PRRX1: variants seen among roughly 807,000 people sequenced by gnomAD.
PRRX1 encodes the protein paired mesoderm homeobox protein 1.
Under a neutral mutation model 24.0 loss-of-function variants are expected in PRRX1, and 8 were observed. That is an observed-to-expected ratio of 0.33 (90% CI 0.20 to 0.60). The LOEUF (loss-of-function observed/expected upper bound fraction) is 0.60. PRRX1 is among the 20% of genes least tolerant of loss of function. PRRX1 has a pLI of 0.82. For missense variants in PRRX1, 281 were observed against 322.4 expected, an observed-to-expected ratio of 0.87 and a Z score of 0.98; for synonymous variants, 160 against 131.7, an observed-to-expected ratio of 1.22 and a Z score of -1.47.
At chr1:170,723,088 T>C (rs1289840656) in intron 2 of PRRX1, among the ~76,000 whole-genome samples, 2 of 152,178 alleles carry the variant, frequency 1.3e-5, no homozygotes, top group South Asian at 2.1e-4. Context: ...GGGGAGCCAG[T>C]AGATGATATA....
At chr1:170,716,834 A>G (rs576010765) in intron 1 of PRRX1, among the ~76,000 whole-genome samples, 33 of 152,296 alleles carry the variant, frequency 2.2e-4, no homozygotes, top group African/African-American at 5.3e-4. Flanking sequence ...AATCTGATAA[A>G]TGTGTTTATC....
At chr1:170,689,886 G>C (rs950922301) in intron 1 of PRRX1, among the ~76,000 whole-genome samples, 2 of 150,836 alleles carry the variant, frequency 1.3e-5, no homozygotes, top group African/African-American at 2.4e-5. Flanking sequence ...GTGGGTGTGT[G>C]TGTGTGCGTG....
At chr1:170,707,783 C>A (rs1654614755) in intron 1 of PRRX1, among the ~76,000 whole-genome samples, 1 of 152,128 alleles carries the variant, frequency 6.6e-6, no homozygotes, top group East Asian at 1.9e-4. Flanking sequence ...ACTAGTATAT[C>A]CAGTTTGTCC....
At position 170,737,060 on chromosome 1, in the gene PRRX1, CAA is replaced by C. The variant is rs1338963970; in HGVS notation, c.*876_*877del. On this transcript the variant is annotated 3_prime_UTR_variant, in exon 4 of 4. Transcript: ENST00000239461. ...AGGAAGAGAAATTTCTCTAGTAACA[CAA>C]AGAGTGAGTTCTAAAAGGCATGCCC... The C allele has an allele frequency of 2.7e-5, 5 of 184,518 alleles. No individual in the cohort carries two copies. Among genetic ancestry groups the C allele is most frequent in the Non-Finnish European group, 5.7e-5 (5 of 87,066 alleles). The allele number at this position is 184,518 out of a possible 1,614,324, so 11.4% of individuals were successfully genotyped here. A position where few individuals can be genotyped will look rare whatever the true frequency, so the allele number is the denominator to read the frequency against.
chr1:170,730,068 G>C lies in PRRX1; in HGVS notation c.599+3667G>C. 5 of 638,700 alleles carry C rather than the reference G, an allele frequency of 7.8e-6. 1 individual carries two copies. In the South Asian group the frequency reaches 8.8e-5, roughly 11 times the overall value. 39.6% of individuals were successfully genotyped at this position (638,700 alleles called of 1,614,324 possible). On this transcript the variant is annotated intron_variant, in intron 3 of 3. Coordinates refer to ENST00000239461, the MANE Select transcript of PRRX1 (RefSeq NM_022716.4). Reference sequence around the variant, plus strand: ...GGTGAAGTGGATAGTGAATGGCCTGGTTTTGCATTATTTACCTGAAGTGCC... The same window carrying C: ...GGTGAAGTGGATAGTGAATGGCCTGCTTTTGCATTATTTACCTGAAGTGCC...
intron 1 of PRRX1, among the ~76,000 whole-genome samples, chr1:170,686,418 G>C (rs1653745365): frequency 6.6e-6 from 1 of 152,148 alleles, no homozygotes; most frequent in South Asian, 2.1e-4. Context: ...AGAATTTCTT[G>C]TTCCAATAAT....
chr1:170,720,895 A>G (rs770025212), intron 2 of PRRX1, among the ~76,000 whole-genome samples: 11 of 152,216 alleles, frequency 7.2e-5, no homozygotes, highest in Admixed American at 2.0e-4. Context: ...AATACGTAAT[A>G]CTAACACTAC....
At chr1:170,686,061 G>T (rs866066510) in intron 1 of PRRX1, among the ~76,000 whole-genome samples, 1 of 151,084 alleles carries the variant, frequency 6.6e-6, no homozygotes, top group South Asian at 2.1e-4. Flanking sequence ...TTAAAATGTA[G>T]ACCGTCTGCC....
At chr1:170,667,979 C>T (rs1285372176) in intron 1 of PRRX1, 1 of 152,048 alleles carries the variant, frequency 6.6e-6, no homozygotes, top group Non-Finnish European at 1.5e-5. Flanking sequence ...CCCTCCCCAC[C>T]CCACTCACCA....
Position 170,719,715 on chromosome 1 carries a change from T to G in PRRX1, c.242-11T>G. 1 of 1,613,904 alleles carries G rather than the reference T, an allele frequency of 6.2e-7. No individual in the cohort carries two copies. The highest frequency in any genetic ancestry group is 1.3e-5 in the African/African-American group (1 of 75,068). On this transcript the variant is annotated splice_polypyrimidine_tract_variant and intron_variant, in intron 1 of 3. Transcript: ENST00000239461. ...AATTTGGCTTCTTTTCATCATTGTG[T>G]TCTATTCCAGATGACCAGCTGAACT...
chr1:170,738,095 AT>A lies in PRRX1; in HGVS notation c.*1916del, dbSNP rs1288606501. 1 of 216,520 alleles carries A rather than the reference AT, an allele frequency of 4.6e-6. No individual in the cohort carries two copies. Among genetic ancestry groups the A allele is most frequent in the Non-Finnish European group, 9.3e-6 (1 of 107,138 alleles). 13.4% of individuals were successfully genotyped at this position (216,520 alleles called of 1,614,324 possible). On this transcript the variant is annotated 3_prime_UTR_variant, in exon 4 of 4. Transcript: ENST00000239461. ...GAATAATTTAAGACACATAGAACAG[AT>A]TTTTTTAATTTATATTTTCATCCTG...
At chr1:170,687,995 A>G (rs964955652) in intron 1 of PRRX1, among the ~76,000 whole-genome samples, 16 of 152,162 alleles carry the variant, frequency 1.1e-4, no homozygotes, top group South Asian at 2.1e-4. Context: ...GAAATAGCTA[A>G]TCATCAAGAA....
At chr1:170,731,064 A>G (rs1042807168) in intron 3 of PRRX1, among the ~76,000 whole-genome samples, 1 of 152,210 alleles carries the variant, frequency 6.6e-6, no homozygotes, top group Non-Finnish European at 1.5e-5. Flanking sequence ...GTATTAGAAA[A>G]TCAACTTCTG....
At chr1:170,721,676 T>C (rs937853094) in intron 2 of PRRX1, among the ~76,000 whole-genome samples, 3 of 152,184 alleles carry the variant, frequency 2.0e-5, no homozygotes, top group African/African-American at 7.2e-5. Context: ...TGGGCTCAAG[T>C]GAGAGTGACC....
chr1:170,730,181 T>A lies in PRRX1; in HGVS notation c.599+3780T>A, dbSNP rs560123495. ...TCCTTGTCCACAGCTTCCCTCCCCATCCTTCTCCTCCCCTCATTTGATCGT... is the reference window on the plus strand; with the variant it reads ...TCCTTGTCCACAGCTTCCCTCCCCAACCTTCTCCTCCCCTCATTTGATCGT... On this transcript the variant is annotated intron_variant, in intron 3 of 3. Transcript: ENST00000239461. The A allele has an allele frequency of 2.8e-5, 29 of 1,044,778 alleles. No individual in the cohort carries two copies. In the South Asian group the frequency reaches 3.3e-4, roughly 12 times the overall value. 64.7% of individuals were successfully genotyped at this position (1,044,778 alleles called of 1,614,324 possible). A position where few individuals can be genotyped will look rare whatever the true frequency, so the allele number is the denominator to read the frequency against.
At chr1:170,689,562 T>C (rs1271273281) in intron 1 of PRRX1, among the ~76,000 whole-genome samples, 2 of 152,188 alleles carry the variant, frequency 1.3e-5, no homozygotes, top group Non-Finnish European at 2.9e-5. Context: ...GTTTAATCTT[T>C]ATATGCCTGT....
At chr1:170,685,456 A>G (rs975984012) in intron 1 of PRRX1, among the ~76,000 whole-genome samples, 4 of 152,202 alleles carry the variant, frequency 2.6e-5, no homozygotes, top group African/African-American at 9.7e-5. Flanking sequence ...ACACATTTAG[A>G]GGGAAAATGA....
intron 2 of PRRX1, among the ~76,000 whole-genome samples, chr1:170,725,948 CGTGG>C (rs1655240258): frequency 6.6e-6 from 1 of 152,020 alleles, no homozygotes; most frequent in Non-Finnish European, 1.5e-5. Flanking sequence ...TTTGCTGTCC[CGTGG>C]GTAAGTCACA....
At chr1:170,713,949 T>C (rs183101700) in intron 1 of PRRX1, among the ~76,000 whole-genome samples, 10 of 152,282 alleles carry the variant, frequency 6.6e-5, no homozygotes, top group Admixed American at 5.2e-4. Flanking sequence ...TCGCTCTTGA[T>C]ACGTGCTGGG....
Sources: allele counts gnomAD v4.1 joint callset (sites outside exome capture counted in the v4.1 genomes callset), GRCh38; gene constraint gnomAD v4.1.1; transcripts MANE v1.5; gene names NCBI Gene and HGNC (gene_info 2026-07-23, HGNC 2026-07-21).